Variants in AGAP1 observed in about 807,000 individuals in gnomAD.
AGAP1 encodes arf-GAP with GTPase, ANK repeat and PH domain-containing protein 1.
In AGAP1, 29 loss-of-function variants were observed where a neutral mutation model predicts 105.3. That is an observed-to-expected ratio of 0.28 (90% CI 0.21 to 0.38). The LOEUF is 0.38. Among genes scored for constraint, AGAP1 ranks in the 10% least tolerant of loss-of-function variants. AGAP1 has a pLI of 1.00. For missense variants in AGAP1, 998 were observed against 1,165.1 expected, an observed-to-expected ratio of 0.86 and a Z score of 2.09; for synonymous variants, 509 against 485.9, an observed-to-expected ratio of 1.05 and a Z score of -0.63.
rs1486399595 is a variant in AGAP1 at position 235,962,765 on chromosome 2, A to T, written c.1484-5697A>T. ...AACTAGAAGCTCTGGTTGAAATTCC[A>T]TGGGGTTTCTCGCTATTGATATTTT... is the stretch of plus-strand genomic sequence containing the variant. On this transcript the variant is annotated intron_variant, in intron 12 of 17. Transcript: ENST00000304032. This position sits in a 1 kb window ranked among gnomAD's most constrained non-coding sequence, Gnocchi z 5.3. Among the ~76,000 whole-genome samples, 1 of 152,236 alleles carries T rather than the reference A, an allele frequency of 6.6e-6. No individual in the cohort carries two copies. The highest frequency in any genetic ancestry group is 2.1e-4 in the South Asian group (1 of 4,822).
chr2:236,077,330 T>C (rs2058667323), intron 16 of AGAP1, among the ~76,000 whole-genome samples: 2 of 150,490 alleles, frequency 1.3e-5, no homozygotes, highest in African/African-American at 4.9e-5. Flanking sequence ...TCTCTTTTTT[T>C]TTTTTTTTGA....
At chr2:236,060,810 C>G (rs1212853367) in intron 16 of AGAP1, among the ~76,000 whole-genome samples, 4 of 152,032 alleles carry the variant, frequency 2.6e-5, no homozygotes, top group Non-Finnish European at 5.9e-5. Context: ...GCCCGTAATC[C>G]CAGCATGTGG....
At position 235,908,918 on chromosome 2, in the gene AGAP1, G is replaced by A. The variant is rs952533954; in HGVS notation, c.1324+12G>A. ...CTCACCCAATTCAGGTAAGCTTACA[G>A]CAAATGCACTAACAAATCAAGTTCA... On this transcript the variant is annotated intron_variant, in intron 11 of 17. Coordinates refer to ENST00000304032, the MANE Select transcript of AGAP1 (RefSeq NM_001037131.3). This position sits in a 1 kb window ranked among gnomAD's most constrained non-coding sequence, Gnocchi z 4.4. The A allele has an allele frequency of 1.9e-6, 3 of 1,603,534 alleles. No homozygotes were observed. The Admixed American group carries it at 5.1e-5, about 27-fold the overall frequency.
intron 1 of AGAP1, among the ~76,000 whole-genome samples, chr2:235,592,178 C>T (rs1208064739): frequency 2.0e-5 from 3 of 152,184 alleles, no homozygotes. Context: ...GGCTGGAGGC[C>T]AGGAGCTGTG....
In AGAP1 at chr2:236,126,197, C is replaced by T. The variant is rs1220926077; in HGVS notation, c.*2075C>T. On this transcript the variant is annotated 3_prime_UTR_variant, in exon 18 of 18. Coordinates refer to ENST00000304032, the MANE Select transcript of AGAP1 (RefSeq NM_001037131.3). ...GAAGCCACAAGTCTGAGAACCTTGA[C>T]GACAGTTCCATCGTCCTGCCATTTG... 3 of 152,176 alleles carry T rather than the reference C, an allele frequency of 2.0e-5. No homozygotes were observed. The highest frequency in any genetic ancestry group is 4.1e-4 in the South Asian group (2 of 4,822). The allele number at this position is 152,176 out of a possible 1,614,324, so 9.4% of individuals were successfully genotyped here.
Position 235,777,766 on chromosome 2 carries a change from C to T in AGAP1, c.674-19993C>T, listed in dbSNP as rs916192375. Among the ~76,000 whole-genome samples, 4 of 152,180 alleles carry T rather than the reference C, an allele frequency of 2.6e-5. No individual in the cohort carries two copies. The highest frequency in any genetic ancestry group is 6.5e-5 in the Admixed American group (1 of 15,290). ...AAGGTGCACGCTCAAGTGTTTGAGA[C>T]GTTAACGAATGATGGCTGTGATGTA... On this transcript the variant is annotated intron_variant, in intron 6 of 17. Coordinates refer to ENST00000304032, the MANE Select transcript of AGAP1 (RefSeq NM_001037131.3). This position sits in a 1 kb window ranked among gnomAD's most constrained non-coding sequence, Gnocchi z 5.1.
chr2:235,686,655 ATATATATATATT>A lies in AGAP1; in HGVS notation c.164-22522_164-22511del, dbSNP rs1559351125. ...TATATATATATATATAGATATATAT[ATATATATATATT>A]TTTTTTTTTTTTTAGACAGAGTCTT... On this transcript the variant is annotated intron_variant, in intron 1 of 17. Coordinates refer to ENST00000304032, the MANE Select transcript of AGAP1 (RefSeq NM_001037131.3). Among the ~76,000 whole-genome samples, 22 of 55,820 alleles carry A rather than the reference ATATATATATATT, an allele frequency of 3.9e-4. No individual in the cohort carries two copies. In the South Asian group the frequency reaches 6.4e-3, roughly 16 times the overall value. The allele number at this position is 55,820 out of a possible 152,430, so 36.6% of individuals were successfully genotyped here.
At chr2:235,909,746 C>T (rs998746241) in intron 11 of AGAP1, among the ~76,000 whole-genome samples, 4 of 152,182 alleles carry the variant, frequency 2.6e-5, no homozygotes, top group Non-Finnish European at 5.9e-5. Context: ...TCTGGCTAGG[C>T]GCAGTGGCTC....
rs1473220835 is a variant in AGAP1 at position 235,960,815 on chromosome 2, C to T, written c.1484-7647C>T. Among the ~76,000 whole-genome samples the T allele has an allele frequency of 6.6e-6, 1 of 152,224 alleles. No homozygotes were observed. Among genetic ancestry groups the T allele is most frequent in the African/African-American group, 2.4e-5 (1 of 41,454 alleles). On this transcript the variant is annotated intron_variant, in intron 12 of 17. Transcript: ENST00000304032. This position sits in a 1 kb window ranked among gnomAD's most constrained non-coding sequence, Gnocchi z 4.9. ...GAGATGCTTTCTCTGTGTCAATAGA[C>T]TTCACTCATGGACTCAGTCGTTCGC...
Position 236,109,111 on chromosome 2 carries a change from A to G in AGAP1, c.2115-11081A>G, listed in dbSNP as rs1390326471. Among the ~76,000 whole-genome samples, 1 of 152,062 alleles carries G rather than the reference A, an allele frequency of 6.6e-6. No homozygotes were observed. The highest frequency in any genetic ancestry group is 1.5e-5 in the Non-Finnish European group (1 of 68,024). Reference sequence around the variant, plus strand: ...TGCAGGAAGACAGCATTTCTCTCTGAAGGTAGTTGTGTGTAGGTGTGACTC... The same window carrying G: ...TGCAGGAAGACAGCATTTCTCTCTGGAGGTAGTTGTGTGTAGGTGTGACTC... On this transcript the variant is annotated intron_variant, in intron 16 of 17. Coordinates refer to ENST00000304032, the MANE Select transcript of AGAP1 (RefSeq NM_001037131.3). This position sits in a 1 kb window ranked among gnomAD's most constrained non-coding sequence, Gnocchi z 5.4.
rs2057700021 is a variant in AGAP1 at position 236,045,842 on chromosome 2, C to G, written c.1892-3217C>G. The G allele has an allele frequency of 2.4e-6, 1 of 417,250 alleles. No homozygotes were observed. The highest frequency in any genetic ancestry group is 5.2e-6 in the Non-Finnish European group (1 of 192,940). The allele number at this position is 417,250 out of a possible 1,614,324, so 25.8% of individuals were successfully genotyped here. On this transcript the variant is annotated intron_variant, in intron 15 of 17. Transcript: ENST00000304032. This position sits in a 1 kb window ranked among gnomAD's most constrained non-coding sequence, Gnocchi z 6.9. ...TGCTGGAGCGGAGGCAAGGTTCTCC[C>G]CTCAGTCAGCCCCAGCCTTACCTGT... is the stretch of plus-strand genomic sequence containing the variant.
intron 4 of AGAP1, among the ~76,000 whole-genome samples, chr2:235,742,673 A>G (rs1952660712): frequency 6.6e-6 from 1 of 152,128 alleles, no homozygotes; most frequent in Non-Finnish European, 1.5e-5. Flanking sequence ...TTCTGCTACA[A>G]AGGAACTCTT....
At chr2:236,015,759 C>T (rs2056678431) in intron 13 of AGAP1, among the ~76,000 whole-genome samples, 1 of 152,068 alleles carries the variant, frequency 6.6e-6, no homozygotes, top group Non-Finnish European at 1.5e-5. Context: ...GTCAAGTAAT[C>T]GCAAGCTCGT....
rs1051864120 is a variant in AGAP1, at chr2:235,994,646, A to G, written c.1645+26023A>G. ...CCAACGCCTCGCAGCCCGATGATAC[A>G]GAGACGGGGCAGCAGTGGAGAGCTC... On this transcript the variant is annotated intron_variant, in intron 13 of 17. Transcript: ENST00000304032. The surrounding 1 kb of genome is among the most constrained non-coding windows in gnomAD (Gnocchi z 4.4). Among the ~76,000 whole-genome samples, 8 of 152,158 alleles carry G rather than the reference A, an allele frequency of 5.3e-5. No homozygotes were observed. Among genetic ancestry groups the G allele is most frequent in the African/African-American group, 1.4e-4 (6 of 41,448 alleles).
intron 1 of AGAP1, among the ~76,000 whole-genome samples, chr2:235,632,200 A>G (rs1313164674): frequency 1.3e-5 from 2 of 152,224 alleles, no homozygotes; most frequent in African/African-American, 4.8e-5. Context: ...CTGGCAGTTC[A>G]GTGACTTAAG....
chr2:235,622,834 A>G lies in AGAP1; in HGVS notation c.164-86345A>G, dbSNP rs1946528860. 6.6e-6 allele frequency among the ~76,000 whole-genome samples: 1 copy of G among 151,910 alleles called. No individual in the cohort carries two copies. The highest frequency in any genetic ancestry group is 1.5e-5 in the Non-Finnish European group (1 of 67,994). On this transcript the variant is annotated intron_variant, in intron 1 of 17. Coordinates refer to ENST00000304032, the MANE Select transcript of AGAP1 (RefSeq NM_001037131.3). This position sits in a 1 kb window ranked among gnomAD's most constrained non-coding sequence, Gnocchi z 5.0. ...CACACATGTCGCTTCCTGCACCCAC[A>G]CTGGACAGTCATTGTAGAAAGTAAG...
intron 1 of AGAP1, among the ~76,000 whole-genome samples, chr2:235,498,716 G>A (rs749196964): frequency 2.0e-5 from 3 of 152,200 alleles, no homozygotes; most frequent in Non-Finnish European, 2.9e-5. Context: ...ATTCAGCCAG[G>A]CGGCCCGATT....
rs149181813 is a variant in AGAP1, at chr2:236,105,892, C to G, written c.2115-14300C>G. Among the ~76,000 whole-genome samples the G allele has an allele frequency of 6.6e-6, 1 of 152,166 alleles. No homozygotes were observed. Among genetic ancestry groups the G allele is most frequent in the South Asian group, 2.1e-4 (1 of 4,824 alleles). ...GATTACAGGCGTGAGCCATCGTGCC[C>G]GGCCCCTCTTGTGCCTCTTCTTATA... On this transcript the variant is annotated intron_variant, in intron 16 of 17. Coordinates refer to ENST00000304032, the MANE Select transcript of AGAP1 (RefSeq NM_001037131.3). The surrounding 1 kb of genome is among the most constrained non-coding windows in gnomAD (Gnocchi z 4.2).
In AGAP1 at chr2:235,596,718, C is replaced by T. The variant is rs1945537290; in HGVS notation, c.163+101869C>T. The stretch of plus-strand genomic sequence containing the variant: ...CCTCGGAGGTCAATCAGCTTTCACT[C>T]TTCCTCTCTTGTGCCCCAGTCCTAG... On this transcript the variant is annotated intron_variant, in intron 1 of 17. Coordinates refer to ENST00000304032, the MANE Select transcript of AGAP1 (RefSeq NM_001037131.3). This position sits in a 1 kb window ranked among gnomAD's most constrained non-coding sequence, Gnocchi z 5.9. Among the ~76,000 whole-genome samples, 1 of 152,212 alleles carries T rather than the reference C, an allele frequency of 6.6e-6. No homozygotes were observed. Among genetic ancestry groups the T allele is most frequent in the South Asian group, 2.1e-4 (1 of 4,828 alleles).
Sources: allele counts gnomAD v4.1 joint callset (sites outside exome capture counted in the v4.1 genomes callset), GRCh38; gene constraint gnomAD v4.1.1; non-coding constraint Gnocchi (gnomAD v3.1); transcripts MANE v1.5; gene names NCBI Gene and HGNC (gene_info 2026-07-23, HGNC 2026-07-21).